Variants in CLECL1 observed in about 807,000 individuals in gnomAD.
CLECL1 encodes the protein C-type lectin-like domain family 1.
exon 4 of CLECL1, chr12:9,722,691 C>A (rs766921769): frequency 6.2e-7 from 1 of 1,613,840 alleles, no homozygotes; most frequent in South Asian, 1.1e-5. Context: ...TTGTTTATGG[C>A]ACAGTCATTT....
chr12:9,721,704 G>A (rs756501697), downstream of CLECL1, among the ~76,000 whole-genome samples: 2 of 152,250 alleles, frequency 1.3e-5, no homozygotes, highest in South Asian at 4.1e-4. Flanking sequence ...CTTTTTAGAT[G>A]CTTTTTAGTT....
intron 2 of CLECL1, among the ~76,000 whole-genome samples, chr12:9,717,021 T>G (rs182333601): frequency 2.6e-5 from 4 of 152,280 alleles, no homozygotes; most frequent in Admixed American, 2.0e-4. Flanking sequence ...ATGAACGATG[T>G]CAAGTATTCT....
intron 3 of CLECL1, among the ~76,000 whole-genome samples, chr12:9,726,821 G>A (rs1006795414): frequency 6.6e-6 from 1 of 151,746 alleles, no homozygotes; most frequent in Non-Finnish European, 1.5e-5. Flanking sequence ...TTTTTGCTTT[G>A]GGGATAATGT....
At chr12:9,728,393 C>G (rs1283250288) in intron 2 of CLECL1, among the ~76,000 whole-genome samples, 1 of 151,638 alleles carries the variant, frequency 6.6e-6, no homozygotes, top group East Asian at 1.9e-4. Context: ...ATCTCTAATT[C>G]TTATGTTGAT....
chr12:9,708,603 C>T, the CLECL1 span, among the ~76,000 whole-genome samples: 1 of 152,146 alleles, frequency 6.6e-6, no homozygotes, highest in Non-Finnish European at 1.5e-5. Context: ...TGCTTCGTGA[C>T]ATAAACAGGC....
exon 4 of CLECL1, chr12:9,722,766 A>G (rs1488128852): frequency 6.2e-7 from 1 of 1,613,892 alleles, no homozygotes; most frequent in Non-Finnish European, 8.5e-7. Flanking sequence ...TGCACCTTCC[A>G]GTCTTTGGCA....
At chr12:9,722,483 C>T, downstream of CLECL1, 1 of 1,297,060 alleles carries the variant, frequency 7.7e-7, no homozygotes, top group Non-Finnish European at 9.9e-7. Context: ...AAAAAAACCT[C>T]AAAGGTAATC....
chr12:9,714,863 C>T (rs772668421), downstream of CLECL1, among the ~76,000 whole-genome samples: 3 of 152,178 alleles, frequency 2.0e-5, no homozygotes, highest in Non-Finnish European at 4.4e-5. Flanking sequence ...CCGGTTTTTC[C>T]TGGAGTCTCT....
At chr12:9,716,552 AATTG>A (rs1866241200) in exon 3 of CLECL1, 2 of 236,472 alleles carry the variant, frequency 8.5e-6, no homozygotes, top group Non-Finnish European at 1.7e-5. Context: ...ATAACCTGGA[AATTG>A]ATTGTCTACT....
chr12:9,719,341 A>G (rs1866279985), downstream of CLECL1, among the ~76,000 whole-genome samples: 1 of 152,134 alleles, frequency 6.6e-6, no homozygotes, highest in African/African-American at 2.4e-5. Flanking sequence ...CCTGGCTAAC[A>G]TGGAGAAACC....
downstream of CLECL1, among the ~76,000 whole-genome samples, chr12:9,721,394 T>G (rs1866311437): frequency 6.6e-6 from 1 of 152,250 alleles, no homozygotes; most frequent in African/African-American, 2.4e-5. Flanking sequence ...CATACACTAA[T>G]TCCTTTTAGA....
At chr12:9,718,624 A>G, downstream of CLECL1, 1 of 640,422 alleles carries the variant, frequency 1.6e-6, no homozygotes, top group Non-Finnish European at 2.8e-6. Context: ...CAACCTTTAA[A>G]GATGTAATTA....
the CLECL1 span, among the ~76,000 whole-genome samples, chr12:9,709,837 G>A: frequency 2.6e-5 from 4 of 152,178 alleles, no homozygotes; most frequent in Non-Finnish European, 4.4e-5. Flanking sequence ...GGAAGTTGCA[G>A]AAACGATCCC....
chr12:9,729,728 T>G (rs1275271183), intron 1 of CLECL1, among the ~76,000 whole-genome samples: 1 of 152,096 alleles, frequency 6.6e-6, no homozygotes, highest in Non-Finnish European at 1.5e-5. Context: ...GCTCCTTAGA[T>G]GGTGAGAGGT....
At chr12:9,719,681 A>G (rs907837624), downstream of CLECL1, among the ~76,000 whole-genome samples, 61 of 152,148 alleles carry the variant, frequency 4.0e-4, no homozygotes, top group Non-Finnish European at 3.2e-4. Flanking sequence ...GTGGGCTATA[A>G]TCACATCACT....
chr12:9,733,257 C>G, upstream of CLECL1: 1 of 1,604,972 alleles, frequency 6.2e-7, no homozygotes, highest in East Asian at 2.2e-5. Context: ...GAAGAAATTA[C>G]TAACCATACA....
At chr12:9,733,709 C>A (rs1191527326), upstream of CLECL1, among the ~76,000 whole-genome samples, 1 of 151,672 alleles carries the variant, frequency 6.6e-6, no homozygotes, top group Non-Finnish European at 1.5e-5. Context: ...AAGGTAATGA[C>A]ATAAAAGAAA....
chr12:9,713,942 C>A (rs932085502), downstream of CLECL1, among the ~76,000 whole-genome samples: 1 of 152,160 alleles, frequency 6.6e-6, no homozygotes, highest in African/African-American at 2.4e-5. Context: ...TTAACTATGT[C>A]TTTAACTACT....
intron 1 of CLECL1, among the ~76,000 whole-genome samples, chr12:9,730,455 T>C (rs1190963113): frequency 6.6e-6 from 1 of 152,214 alleles, no homozygotes; most frequent in African/African-American, 2.4e-5. Flanking sequence ...AATATAATCA[T>C]ATCAAGACTA....
Sources: gnomAD v4.1 joint callset for allele counts (sites outside exome capture counted in the v4.1 genomes callset) on GRCh38, gnomAD v4.1.1 for gene constraint, MANE v1.5 for transcripts, NCBI Gene and HGNC (gene_info 2026-07-23, HGNC 2026-07-21) for gene names.